Variants in VIPR2 observed in about 807,000 individuals in gnomAD.
VIPR2 encodes vasoactive intestinal peptide receptor 2, also known as vasoactive intestinal polypeptide receptor 2.
Under a neutral mutation model 58.0 loss-of-function variants are expected in VIPR2, and 48 were observed. The ratio of observed to expected loss-of-function variants is 0.83; its 90% CI spans 0.66 to 1.05. VIPR2 has a LOEUF of 1.05. VIPR2 is among the 50% of genes least tolerant of loss of function. The pLI is 0.00. For synonymous variants in VIPR2, 243 were observed against 235.2 expected (o/e 1.03, Z -0.30); for missense variants, 534 against 558.0 (o/e 0.96, Z 0.43).
intron 3 of VIPR2, among the ~76,000 whole-genome samples, chr7:159,107,276 G>A (rs1164220694): frequency 2.0e-5 from 3 of 152,186 alleles, no homozygotes; most frequent in Non-Finnish European, 4.4e-5. Flanking sequence ...GGCACCAGGA[G>A]CAACTGGAAA....
At chr7:159,073,818 C>T (rs1016935441) in intron 4 of VIPR2, among the ~76,000 whole-genome samples, 4 of 152,166 alleles carry the variant, frequency 2.6e-5, no homozygotes, top group East Asian at 1.9e-4. Flanking sequence ...CAGGGCAGAA[C>T]TCTACACCTC....
At chr7:159,135,788 A>G (rs1163693131) in intron 2 of VIPR2, among the ~76,000 whole-genome samples, 1 of 152,190 alleles carries the variant, frequency 6.6e-6, no homozygotes, top group African/African-American at 2.4e-5. Context: ...ATGCTATTGC[A>G]CTCCAGCCTG....
At chr7:159,053,009 C>A (rs977401581) in intron 5 of VIPR2, among the ~76,000 whole-genome samples, 3 of 152,186 alleles carry the variant, frequency 2.0e-5, no homozygotes, top group African/African-American at 7.2e-5. Context: ...CAACATTGTA[C>A]TTCACAAACA....
chr7:159,101,209 C>G (rs112431071), intron 4 of VIPR2, among the ~76,000 whole-genome samples: 1 of 140,626 alleles, frequency 7.1e-6, no homozygotes, highest in Non-Finnish European at 1.5e-5. Flanking sequence ...TCACGAGATC[C>G]GACGAGGCCG....
intron 3 of VIPR2, among the ~76,000 whole-genome samples, chr7:159,105,480 G>A (rs1441557727): frequency 6.6e-6 from 1 of 152,228 alleles, no homozygotes; most frequent in African/African-American, 2.4e-5. Context: ...TCAGTAGTTT[G>A]AGTGGGGTGC....
chr7:159,128,643 T>A lies in VIPR2; in HGVS notation c.151+13803A>T, dbSNP rs1331691428. Among the ~76,000 whole-genome samples the A allele has an allele frequency of 2.0e-5, 3 of 152,162 alleles. No homozygotes were observed. The highest frequency in any genetic ancestry group is 4.4e-5 in the Non-Finnish European group (3 of 68,024). ...AGCCTGGGTCCTGCCCTTCCCACAC[T>A]TACCACGAGGGCATCTCCATCTCCC... is the stretch of plus-strand genomic sequence containing the variant. On this transcript the variant is annotated intron_variant, in intron 2 of 12. Transcript: ENST00000262178. The surrounding 1 kb of genome is among the most constrained non-coding windows in gnomAD (Gnocchi z 4.1).
chr7:159,144,695 G>A, intron 1 of VIPR2, 26 bp downstream of exon 1: 1 of 1,333,784 alleles, frequency 7.5e-7, no homozygotes, highest in Non-Finnish European at 9.6e-7. Context: ...GAGGCGCCGT[G>A]GGGCGGGGGT....
intron 9 of VIPR2, 86 bp from the exon 10 acceptor site, chr7:159,034,390 G>C: frequency 7.2e-7 from 1 of 1,398,166 alleles, no homozygotes; most frequent in Non-Finnish European, 1.0e-6. Context: ...CCTCCCCTCC[G>C]CTCCCTCAGT....
Position 159,031,023 on chromosome 7 carries a change from G to T in VIPR2, c.1144-234C>A, listed in dbSNP as rs1437760244. On this transcript the variant is annotated intron_variant, in intron 12 of 12. Coordinates refer to ENST00000262178, the MANE Select transcript of VIPR2 (RefSeq NM_003382.5). This position sits in a 1 kb window ranked among gnomAD's most constrained non-coding sequence, Gnocchi z 4.0. ...CAGACTCTAAGACTGTGCGTGGGTG[G>T]TTCGGGGATCGCCACTGCCGCGGTA... Among the ~76,000 whole-genome samples the T allele has an allele frequency of 1.3e-5, 2 of 152,242 alleles. No homozygotes were observed. The highest frequency in any genetic ancestry group is 2.9e-5 in the Non-Finnish European group (2 of 68,038).
chr7:159,106,104 AC>A (rs1858630273), intron 3 of VIPR2, among the ~76,000 whole-genome samples: 1 of 151,886 alleles, frequency 6.6e-6, no homozygotes, highest in South Asian at 2.1e-4. Context: ...TGAGCAGGGC[AC>A]CTGCAGGCCC....
intron 2 of VIPR2, among the ~76,000 whole-genome samples, chr7:159,141,434 C>A (rs1040979673): frequency 5.3e-5 from 8 of 152,234 alleles, no homozygotes; most frequent in Non-Finnish European, 1.2e-4. Flanking sequence ...GTTTTAGTGA[C>A]AATCTACAGC....
intron 2 of VIPR2, among the ~76,000 whole-genome samples, chr7:159,126,146 C>A (rs898734385): frequency 1.3e-5 from 2 of 152,218 alleles, no homozygotes; most frequent in African/African-American, 4.8e-5. Context: ...GTGGCCCACA[C>A]TGCCAGACTC....
At chr7:159,133,290 A>G (rs1797060195) in intron 2 of VIPR2, among the ~76,000 whole-genome samples, 1 of 152,302 alleles carries the variant, frequency 6.6e-6, no homozygotes, top group South Asian at 2.1e-4. Context: ...CACCCCCTAA[A>G]CACGGCCCAC....
At chr7:159,077,258 C>T (rs528464813) in intron 4 of VIPR2, among the ~76,000 whole-genome samples, 4 of 152,098 alleles carry the variant, frequency 2.6e-5, no homozygotes, top group Admixed American at 6.5e-5. Flanking sequence ...TTATCAGATT[C>T]TAGCCCTGTT....
At chr7:159,125,148 CT>C (rs1466206545) in intron 2 of VIPR2, among the ~76,000 whole-genome samples, 2 of 152,194 alleles carry the variant, frequency 1.3e-5, no homozygotes, top group Non-Finnish European at 2.9e-5. Context: ...CCTGACTGCC[CT>C]GGCTAGGACT....
chr7:159,129,429 T>C (rs1349443067), intron 2 of VIPR2, among the ~76,000 whole-genome samples: 14 of 119,014 alleles, frequency 1.2e-4, no homozygotes, highest in African/African-American at 5.0e-4. Flanking sequence ...TCACACTCTG[T>C]TCCCTCAAAC....
At chr7:159,143,049 T>C (rs539356840) in intron 1 of VIPR2, among the ~76,000 whole-genome samples, 34 of 152,132 alleles carry the variant, frequency 2.2e-4, no homozygotes, top group Non-Finnish European at 3.7e-4. Context: ...TGACTAGAAT[T>C]TGGGGTGGAA....
chr7:159,062,333 TGAA>T (rs1389124644), intron 4 of VIPR2, among the ~76,000 whole-genome samples: 4 of 152,166 alleles, frequency 2.6e-5, no homozygotes. Context: ...CTCACTGACT[TGAA>T]GAACTAAGAC....
intron 2 of VIPR2, among the ~76,000 whole-genome samples, chr7:159,114,935 C>T (rs1796182175): frequency 6.6e-6 from 1 of 152,084 alleles, no homozygotes; most frequent in South Asian, 2.1e-4. Context: ...AGGTTGGGTA[C>T]CTGCAATTCA....
Sources: allele counts gnomAD v4.1 joint callset (sites outside exome capture counted in the v4.1 genomes callset), GRCh38; gene constraint gnomAD v4.1.1; non-coding constraint Gnocchi (gnomAD v3.1); transcripts MANE v1.5; gene names NCBI Gene and HGNC (gene_info 2026-07-23, HGNC 2026-07-21).